CWC27: variants seen among roughly 807,000 people sequenced by gnomAD.
CWC27 encodes the protein spliceosome-associated protein CWC27 homolog.
Under a neutral mutation model 63.6 loss-of-function variants are expected in CWC27, and 47 were observed. That is an observed-to-expected ratio of 0.74 (90% CI 0.58 to 0.94). The LOEUF (loss-of-function observed/expected upper bound fraction) is 0.94, where lower values mean the gene tolerates loss of function less well. Among genes scored for constraint, CWC27 ranks in the 40% least tolerant of loss-of-function variants. The probability of loss-of-function intolerance (pLI) is 0.00; values close to 1 mark genes in which losing one functional copy is unlikely to be tolerated. For missense variants in CWC27, 495 were observed against 554.3 expected, an observed-to-expected ratio of 0.89 and a Z score of 1.07; for synonymous variants, 175 against 179.8, an observed-to-expected ratio of 0.97 and a Z score of 0.22.
chr5:64,969,929 T>A (rs1749087183), intron 11 of CWC27, among the ~76,000 whole-genome samples: 1 of 152,156 alleles, frequency 6.6e-6, no homozygotes, highest in Non-Finnish European at 1.5e-5. Context: ...GCAGTATCCC[T>A]GAAGGAAGAA....
chr5:64,782,719 A>G (rs776047606), intron 3 of CWC27, among the ~76,000 whole-genome samples: 4 of 152,162 alleles, frequency 2.6e-5, no homozygotes, highest in Non-Finnish European at 4.4e-5. Flanking sequence ...TTTTTATATT[A>G]AGGGAATAGA....
intron 10 of CWC27, among the ~76,000 whole-genome samples, chr5:64,810,638 AT>A (rs1213013485): frequency 6.6e-6 from 1 of 152,004 alleles, no homozygotes; most frequent in Non-Finnish European, 1.5e-5. Context: ...TCCTCTAAGT[AT>A]TTTTTTAATG....
At chr5:64,773,641 C>G (rs1477168975) in intron 1 of CWC27, among the ~76,000 whole-genome samples, 1 of 152,186 alleles carries the variant, frequency 6.6e-6, no homozygotes, top group Non-Finnish European at 1.5e-5. Context: ...TGACACTGAT[C>G]TACTTTGGTA....
intron 11 of CWC27, among the ~76,000 whole-genome samples, chr5:64,946,904 G>A (rs1372578584): frequency 6.6e-6 from 1 of 152,030 alleles, no homozygotes; most frequent in East Asian, 1.9e-4. Context: ...ATGAAAAAGA[G>A]CCAAACAGCA....
chr5:64,821,388 A>G (rs998222494), intron 10 of CWC27, among the ~76,000 whole-genome samples: 11 of 152,198 alleles, frequency 7.2e-5, no homozygotes, highest in Non-Finnish European at 1.6e-4. Flanking sequence ...ATATTTCCCC[A>G]AAGATAATAG....
rs144209397 is a variant in CWC27, at chr5:64,883,547, G to GTA, written c.939-1891_939-1890dup. Among the ~76,000 whole-genome samples the GTA allele has an allele frequency of 1.5e-3, 230 of 152,202 alleles. 4 individuals carry two copies. The East Asian group carries it at 0.04, about 26-fold the overall frequency. On this transcript the variant is annotated intron_variant, in intron 10 of 13. Coordinates refer to ENST00000381070, the MANE Select transcript of CWC27 (RefSeq NM_005869.4). Reference sequence around the variant, plus strand: ...ATTGGAGATTCAAAATGCTAAAATGGTATATAAGCCTGACTGGGATAGAAT... The same window carrying GTA: ...ATTGGAGATTCAAAATGCTAAAATGGTATATATAAGCCTGACTGGGATAGAAT...
intron 10 of CWC27, among the ~76,000 whole-genome samples, chr5:64,820,326 G>A (rs1003046167): frequency 2.0e-5 from 3 of 152,172 alleles, no homozygotes; most frequent in African/African-American, 7.2e-5. Context: ...CAGTGACCTG[G>A]CCTTAGTATA....
chr5:64,804,424 CTTT>C, intron 10 of CWC27, 38 bp downstream of exon 10: 7 of 1,520,206 alleles, frequency 4.6e-6, no homozygotes, highest in Non-Finnish European at 6.2e-6. Flanking sequence ...GAGTTTTTGT[CTTT>C]TTATATTTCA....
intron 11 of CWC27, among the ~76,000 whole-genome samples, chr5:64,909,790 G>A (rs1467578936): frequency 6.6e-6 from 1 of 152,066 alleles, no homozygotes; most frequent in Non-Finnish European, 1.5e-5. Flanking sequence ...GGCATTTAAG[G>A]TCTTCTCTGT....
chr5:64,820,743 C>G (rs1247697094), intron 10 of CWC27, among the ~76,000 whole-genome samples: 2 of 151,992 alleles, frequency 1.3e-5, no homozygotes, highest in Non-Finnish European at 2.9e-5. Flanking sequence ...ATAAATAAAT[C>G]TTGATACATA....
chr5:65,002,249 C>CA (rs1264441612), intron 13 of CWC27, among the ~76,000 whole-genome samples: 1 of 151,696 alleles, frequency 6.6e-6, no homozygotes, highest in African/African-American at 2.4e-5. Flanking sequence ...TTTATCTTTT[C>CA]AAAAAAACCA....
At position 64,893,099 on chromosome 5, in the gene CWC27, T is replaced by C. The variant is rs191505384; in HGVS notation, c.1042+7553T>C. On this transcript the variant is annotated intron_variant, in intron 11 of 13. Coordinates refer to ENST00000381070, the MANE Select transcript of CWC27 (RefSeq NM_005869.4). ...CGTGTGCATGCGCACACACACGTGT[T>C]TTATTGTTTTGTTTTGTTTGGATAT... Among the ~76,000 whole-genome samples, 5 of 152,314 alleles carry C rather than the reference T, an allele frequency of 3.3e-5. No individual in the cohort carries two copies. The East Asian group carries it at 9.7e-4, about 29-fold the overall frequency.
At chr5:64,780,601 TTA>T (rs1384900697) in intron 2 of CWC27, among the ~76,000 whole-genome samples, 1 of 148,198 alleles carries the variant, frequency 6.7e-6, no homozygotes, top group African/African-American at 2.5e-5. Flanking sequence ...TACTTATATA[TTA>T]TATATTATTT....
At chr5:65,018,133 A>G (rs1750083138) in intron 13 of CWC27, 26 bp from the exon 14 acceptor site, 1 of 1,556,414 alleles carries the variant, frequency 6.4e-7, no homozygotes, top group Admixed American at 2.1e-5. Flanking sequence ...GCAAGAAATC[A>G]CTGAACCATC....
At chr5:64,817,882 T>A (rs79932697) in intron 10 of CWC27, among the ~76,000 whole-genome samples, 2,091 of 152,260 alleles carry the variant, frequency 0.014, 27 homozygotes, top group African/African-American at 0.038. Flanking sequence ...CATTTTTATT[T>A]TGAAGCACAT....
chr5:64,825,374 T>C (rs1745330726), intron 10 of CWC27, among the ~76,000 whole-genome samples: 1 of 152,194 alleles, frequency 6.6e-6, no homozygotes, highest in Admixed American at 6.5e-5. Context: ...CTGTGAAAGT[T>C]ATATCTGGAA....
At chr5:64,998,215 T>G (rs545266159) in intron 13 of CWC27, among the ~76,000 whole-genome samples, 11 of 152,170 alleles carry the variant, frequency 7.2e-5, no homozygotes, top group African/African-American at 1.9e-4. Context: ...TTGAGAGAGA[T>G]AGGGAGACAG....
intron 10 of CWC27, among the ~76,000 whole-genome samples, chr5:64,869,963 A>G (rs1420766194): frequency 1.3e-5 from 2 of 151,926 alleles, no homozygotes; most frequent in Non-Finnish European, 2.9e-5. Flanking sequence ...CCCTGCCCCC[A>G]TGGCTCTTAG....
intron 7 of CWC27, 49 bp downstream of exon 7, chr5:64,789,069 C>A: frequency 7.8e-7 from 1 of 1,275,574 alleles, no homozygotes; most frequent in South Asian, 1.3e-5. Context: ...AGATTGGGGT[C>A]TATATCTTAC....
Sources: gnomAD v4.1 joint callset for allele counts (sites outside exome capture counted in the v4.1 genomes callset) on GRCh38, gnomAD v4.1.1 for gene constraint, MANE v1.5 for transcripts, NCBI Gene and HGNC (gene_info 2026-07-23, HGNC 2026-07-21) for gene names.